The following YY1AP1 variants were observed in gnomAD, a reference collection of about 807,000 sequenced individuals.
The protein encoded by YY1AP1 is YY1 associated protein 1, also known as YY1-associated protein 1.
YY1AP1 carries 43 observed loss-of-function variants against 39.9 expected under a neutral mutation model. The observed-to-expected ratio is 1.08, with a 90% CI of 0.84 to 1.39. YY1AP1 has a LOEUF of 1.39. YY1AP1 is among the 40% of genes most tolerant of loss of function. The pLI, the probability that YY1AP1 is intolerant of heterozygous loss-of-function variation, is 0.00. For missense variants in YY1AP1, 813 were observed against 900.7 expected (o/e 0.90, Z 1.25); for synonymous variants, 292 against 331.3 (o/e 0.88, Z 1.29).
At position 155,660,105 on chromosome 1, in the gene YY1AP1, CA is replaced by C; in HGVS notation, c.1804del (p.Cys602ValfsTer3). Reference protein sequence around the residue: ...TLLVNPTSFPCPLNQPLVASS... With the variant: ...TLLVNPTSFPXPLNQPLVASS... ...GGCCACAAGGGGCTGGTTCAATGGA[CA>C]GGGGAAGGAAGTAGGGTTAACCAAG... On this transcript the variant is annotated frameshift_variant, in exon 11 of 11. Transcript: ENST00000355499. LOFTEE classifies it low-confidence loss of function (END_TRUNC). 1 of 1,614,114 alleles carries C rather than the reference CA, an allele frequency of 6.2e-7. No homozygotes were observed. Among genetic ancestry groups the C allele is most frequent in the Non-Finnish European group, 8.5e-7 (1 of 1,180,024 alleles).
At position 155,676,634 on chromosome 1, in the gene YY1AP1, T is replaced by C. The variant is rs1650735594; in HGVS notation, c.238A>G (p.Lys80Glu). 6.2e-7 allele frequency: 1 copy of C among 1,614,188 alleles called. No individual in the cohort carries two copies. The highest frequency in any genetic ancestry group is 8.5e-7 in the Non-Finnish European group (1 of 1,180,034). The stretch of plus-strand genomic sequence containing the variant: ...ACTTCCTTACACTGGGGTTTAACCT[T>C]CTCTACCTCCTTCTGCTGTTTGGCT... ...PSAKQQKEVE[K>E]VKPQCKEVHQ... is the part of the protein sequence containing the mutation. Residue 80 changes from lysine (K) to glutamate (E), a missense_variant, in exon 5 of 11, where the codon AAG becomes GAG. Coordinates refer to ENST00000355499, the MANE Select transcript of YY1AP1 (RefSeq NM_139119.3).
chr1:155,682,689 A>C (rs891791678), intron 2 of YY1AP1, among the ~76,000 whole-genome samples: 1 of 152,162 alleles, frequency 6.6e-6, no homozygotes, highest in African/African-American at 2.4e-5. Context: ...TGGAGGATTT[A>C]ATCCACTGAC....
In YY1AP1 at chr1:155,660,142, T is replaced by C. The variant is rs945960459; in HGVS notation, c.1768A>G (p.Ile590Val). 1.6e-5 allele frequency: 26 copies of C among 1,613,954 alleles called. No individual in the cohort carries two copies. The highest frequency in any genetic ancestry group is 1.9e-5 in the Non-Finnish European group (22 of 1,180,016). ...AVAQSPQTIPIATLLVNPTSF... is the reference protein window; with the variant it reads ...AVAQSPQTIPVATLLVNPTSF... Reference sequence around the variant, plus strand: ...GTAGGGTTAACCAAGAGGGTGGCGATGGGAATAGTCTGGGGACTCTGGGCC... The same window carrying C: ...GTAGGGTTAACCAAGAGGGTGGCGACGGGAATAGTCTGGGGACTCTGGGCC... Residue 590 changes from isoleucine to valine, a missense_variant, in exon 11 of 11, where the codon ATC becomes GTC. By Grantham distance (29) the Ile-to-Val change is conservative. Around this residue, in one of 3 missense-constraint regions of YY1AP1, gnomAD observed 586 missense variants for 647.4 expected, o/e 0.91. Transcript: ENST00000355499.
chr1:155,675,101 G>A lies in YY1AP1; in HGVS notation c.325-5C>T. ...TTGTGTCAAGAGCTGAACATGCTGG[G>A]GAGAGAAAGAAAATAATGCAGTGAT... is the stretch of plus-strand genomic sequence containing the variant. On this transcript the variant is annotated splice_region_variant and splice_polypyrimidine_tract_variant and intron_variant, in intron 5 of 10. Coordinates refer to ENST00000355499, the MANE Select transcript of YY1AP1 (RefSeq NM_139119.3). 2 of 1,612,798 alleles carry A rather than the reference G, an allele frequency of 1.2e-6. No homozygotes were observed. Among genetic ancestry groups the A allele is most frequent in the Non-Finnish European group, 1.7e-6 (2 of 1,179,206 alleles).
chr1:155,669,034 C>T (rs1649472688), intron 8 of YY1AP1, among the ~76,000 whole-genome samples: 1 of 151,924 alleles, frequency 6.6e-6, no homozygotes, highest in Admixed American at 6.6e-5. Flanking sequence ...GTGGCCCAAT[C>T]TACTTTTTCA....
intron 5 of YY1AP1, among the ~76,000 whole-genome samples, chr1:155,675,667 AG>A (rs2149054548): frequency 6.6e-6 from 1 of 151,902 alleles, no homozygotes; most frequent in Admixed American, 6.6e-5. Context: ...TATGTTGTCC[AG>A]GCTGCTTTTG....
chr1:155,660,939 C>T, intron 10 of YY1AP1, 26 bp from the exon 11 acceptor site: 2 of 1,613,804 alleles, frequency 1.2e-6, no homozygotes, highest in Non-Finnish European at 1.7e-6. Context: ...ACACTCTGAT[C>T]CAGCACATGT....
intron 9 of YY1AP1, 127 bp from the exon 10 acceptor site, chr1:155,661,550 C>CACACAG: frequency 6.9e-7 from 1 of 1,448,866 alleles, no homozygotes; most frequent in East Asian, 2.3e-5. Context: ...CACACACACA[C>CACACAG]AAGACCACAT....
At chr1:155,683,680 AAAC>A (rs762964056) in intron 2 of YY1AP1, among the ~76,000 whole-genome samples, 32 of 152,230 alleles carry the variant, frequency 2.1e-4, no homozygotes, top group Admixed American at 3.3e-4. Context: ...AAAACAAAAA[AAAC>A]AACAACAAGT....
chr1:155,683,078 C>T (rs756674765), intron 2 of YY1AP1, among the ~76,000 whole-genome samples: 86 of 151,584 alleles, frequency 5.7e-4, no homozygotes, highest in Non-Finnish European at 1.1e-3. Flanking sequence ...AAGAGCGAAA[C>T]TCCATCTCAA....
intron 2 of YY1AP1, among the ~76,000 whole-genome samples, chr1:155,685,499 T>C (rs1652084837): frequency 6.6e-6 from 1 of 152,146 alleles, no homozygotes; most frequent in Admixed American, 6.6e-5. Context: ...TTCTCAGAGT[T>C]TGAGAACAAA....
intron 9 of YY1AP1, among the ~76,000 whole-genome samples, chr1:155,661,935 C>T (rs532085011): frequency 4.4e-4 from 67 of 152,184 alleles, no homozygotes; most frequent in Non-Finnish European, 3.7e-4. Context: ...GGATTACAGG[C>T]GTCAGCCACC....
intron 3 of YY1AP1, chr1:155,679,743 G>C: frequency 1.0e-6 from 1 of 984,738 alleles, no homozygotes; most frequent in Non-Finnish European, 1.2e-6. Flanking sequence ...AGTAAGCACA[G>C]AGCTAGGATA....
Position 155,688,680 on chromosome 1 carries a change from C to T in YY1AP1, c.-173G>A, listed in dbSNP as rs1001134398. 69 of 1,530,382 alleles carry T rather than the reference C, an allele frequency of 4.5e-5. No homozygotes were observed. The highest frequency in any genetic ancestry group is 5.6e-5 in the Non-Finnish European group (64 of 1,145,406). 94.8% of individuals were successfully genotyped at this position (1,530,382 alleles called of 1,614,324 possible). On this transcript the variant is annotated 5_prime_UTR_variant, in exon 1 of 11. Coordinates refer to ENST00000355499, the MANE Select transcript of YY1AP1 (RefSeq NM_139119.3). ...GTACCTTCAGCGGCGCGAGCCCAAG[C>T]CTTCTCCACCTCCTCTTCTCTCCTC... is the stretch of plus-strand genomic sequence containing the variant.
At position 155,661,321 on chromosome 1, in the gene YY1AP1, G is replaced by T; in HGVS notation, c.982C>A (p.Pro328Thr). Reference protein sequence around the residue: ...PPIEREEHRLPFWLKASLPSI... With the variant: ...PPIEREEHRLTFWLKASLPSI... Reference sequence around the variant, plus strand: ...GAGGGCTGTACCTTTAACCAGAATGGGAGCCGGTGTTCTTCTCTCTCTATA... The same window carrying T: ...GAGGGCTGTACCTTTAACCAGAATGTGAGCCGGTGTTCTTCTCTCTCTATA... Residue 328 changes from proline (P) to threonine (T), a missense_variant, in exon 10 of 11, where the codon CCA (proline) becomes ACA (threonine). By Grantham distance (38) the Pro-to-Thr change is conservative (BLOSUM62 -1). Transcript: ENST00000355499. 1 of 1,613,810 alleles carries T rather than the reference G, an allele frequency of 6.2e-7. No homozygotes were observed. Among genetic ancestry groups the T allele is most frequent in the Non-Finnish European group, 8.5e-7 (1 of 1,179,834 alleles).
At chr1:155,661,180 AT>A (rs1361529264) in intron 10 of YY1AP1, 126 bp downstream of exon 10, 1 of 1,603,616 alleles carries the variant, frequency 6.2e-7, no homozygotes, top group African/African-American at 1.3e-5. Flanking sequence ...AGAAAGGTGA[AT>A]CAGGAAGATT....
At chr1:155,684,441 C>A (rs1169681761) in intron 2 of YY1AP1, among the ~76,000 whole-genome samples, 1 of 152,128 alleles carries the variant, frequency 6.6e-6, no homozygotes, top group African/African-American at 2.4e-5. Flanking sequence ...CACAAATTTA[C>A]ATAGCATTCT....
At chr1:155,668,849 C>T (rs1453173890) in intron 8 of YY1AP1, 72 bp from the exon 9 acceptor site, 33 of 1,605,346 alleles carry the variant, frequency 2.1e-5, no homozygotes, top group Non-Finnish European at 2.8e-5. Flanking sequence ...CAGACTAACA[C>T]ATTTTACAAT....
chr1:155,674,258 T>C (rs953894449), intron 6 of YY1AP1, among the ~76,000 whole-genome samples: 37 of 150,806 alleles, frequency 2.5e-4, no homozygotes, highest in Admixed American at 2.0e-3. Context: ...GCTTCATGAA[T>C]GGATAATGAA....
Sources: allele counts gnomAD v4.1 joint callset (sites outside exome capture counted in the v4.1 genomes callset), GRCh38; gene constraint gnomAD v4.1.1; regional missense constraint gnomAD v4.1.1; transcripts MANE v1.5; gene names NCBI Gene and HGNC (gene_info 2026-07-23, HGNC 2026-07-21).